PPP3CA: variants seen among roughly 807,000 people sequenced by gnomAD.
The protein encoded by PPP3CA is CAM-PRP catalytic subunit.
In PPP3CA, 14 loss-of-function variants were observed where a neutral mutation model predicts 66.5. The ratio of observed to expected loss-of-function variants is 0.21; its 90% CI spans 0.14 to 0.33. PPP3CA has a LOEUF of 0.33. Among genes scored for constraint, PPP3CA ranks in the 10% least tolerant of loss-of-function variants. PPP3CA has a pLI of 1.00. For synonymous variants in PPP3CA, 232 were observed against 226.2 expected, an observed-to-expected ratio of 1.03 and a Z score of -0.23; for missense variants, 317 against 639.5, an observed-to-expected ratio of 0.50 and a Z score of 5.44.
intron 1 of PPP3CA, among the ~76,000 whole-genome samples, chr4:101,264,304 T>C (rs1483018910): frequency 6.6e-6 from 1 of 152,184 alleles, no homozygotes; most frequent in Non-Finnish European, 1.5e-5. Flanking sequence ...GAGAAGTCAC[T>C]GTAGCTCACA....
intron 8 of PPP3CA, among the ~76,000 whole-genome samples, chr4:101,078,511 G>A (rs999728250): frequency 2.2e-4 from 34 of 151,906 alleles, no homozygotes; most frequent in African/African-American, 7.5e-4. Flanking sequence ...AATGTATTTC[G>A]TGTTTGACTC....
chr4:101,255,941 T>C (rs1205236623), intron 1 of PPP3CA, among the ~76,000 whole-genome samples: 1 of 151,938 alleles, frequency 6.6e-6, no homozygotes. Context: ...CTCCTCCATT[T>C]TTTAAATACG....
At chr4:101,047,781 A>G (rs1308683754) in intron 10 of PPP3CA, among the ~76,000 whole-genome samples, 1 of 152,046 alleles carries the variant, frequency 6.6e-6, no homozygotes, top group Admixed American at 6.6e-5. Flanking sequence ...TTATATTTAG[A>G]GATTTAACTA....
At position 101,068,117 on chromosome 4, in the gene PPP3CA, T is replaced by C. The variant is rs577221816; in HGVS notation, c.956-4760A>G. Among the ~76,000 whole-genome samples, 2 of 152,252 alleles carry C rather than the reference T, an allele frequency of 1.3e-5. 1 individual carries two copies. The highest frequency in any genetic ancestry group is 4.1e-4 in the South Asian group (2 of 4,828). ...CTCACCCTTTTGCTACTGTCTTTCATCTCCTTATCTCTAACTGACCATCCT... is the reference window on the plus strand; with the variant it reads ...CTCACCCTTTTGCTACTGTCTTTCACCTCCTTATCTCTAACTGACCATCCT... On this transcript the variant is annotated intron_variant, in intron 8 of 13. Coordinates refer to ENST00000394854, the MANE Select transcript of PPP3CA (RefSeq NM_000944.5).
intron 1 of PPP3CA, among the ~76,000 whole-genome samples, chr4:101,221,798 A>T (rs1400448095): frequency 6.6e-6 from 1 of 151,550 alleles, no homozygotes; most frequent in Non-Finnish European, 1.5e-5. Flanking sequence ...ATATAACAGC[A>T]TCATTTAGTA....
At chr4:101,291,243 G>GT (rs1206005323) in intron 1 of PPP3CA, among the ~76,000 whole-genome samples, 1 of 152,160 alleles carries the variant, frequency 6.6e-6, no homozygotes, top group African/African-American at 2.4e-5. Flanking sequence ...ACTAATAGGA[G>GT]TAATCTTTGG....
At chr4:101,301,820 T>TA in intron 1 of PPP3CA, among the ~76,000 whole-genome samples, 1 of 146,738 alleles carries the variant, frequency 6.8e-6, no homozygotes, top group African/African-American at 2.5e-5. Flanking sequence ...GCACCATATT[T>TA]TATATATATA....
At chr4:101,113,655 T>C (rs1721749088) in intron 2 of PPP3CA, among the ~76,000 whole-genome samples, 1 of 152,082 alleles carries the variant, frequency 6.6e-6, no homozygotes, top group Non-Finnish European at 1.5e-5. Context: ...TCATTCACCA[T>C]TTTGATATCA....
chr4:101,027,251 T>C (rs1206938401), intron 13 of PPP3CA, among the ~76,000 whole-genome samples: 3 of 143,604 alleles, frequency 2.1e-5, no homozygotes, highest in Non-Finnish European at 4.6e-5. Context: ...CTCCCAACCT[T>C]ATTTGGGGGG....
At chr4:101,154,251 GA>G (rs1488252844) in intron 2 of PPP3CA, among the ~76,000 whole-genome samples, 1 of 152,128 alleles carries the variant, frequency 6.6e-6, no homozygotes. Flanking sequence ...TTACCACCAT[GA>G]AATATTTGCT....
chr4:101,319,170 G>T, intron 1 of PPP3CA, among the ~76,000 whole-genome samples: 1 of 88,992 alleles, frequency 1.1e-5, no homozygotes, highest in African/African-American at 4.2e-5. Context: ...ATACCATATT[G>T]AAAAAAAAAA....
chr4:101,098,836 A>C (rs548079194), intron 4 of PPP3CA, among the ~76,000 whole-genome samples: 8 of 152,170 alleles, frequency 5.3e-5, no homozygotes, highest in Non-Finnish European at 8.8e-5. Context: ...CTGGAAGACC[A>C]ATAGAAAAAC....
At chr4:101,128,541 G>T (rs1367810333) in intron 2 of PPP3CA, among the ~76,000 whole-genome samples, 2 of 151,756 alleles carry the variant, frequency 1.3e-5, no homozygotes, top group Non-Finnish European at 2.9e-5. Context: ...TTCCAACTGA[G>T]GTACCCGGTT....
chr4:101,070,359 T>A (rs1036217002), intron 8 of PPP3CA, among the ~76,000 whole-genome samples: 2 of 151,908 alleles, frequency 1.3e-5, no homozygotes, highest in African/African-American at 4.8e-5. Flanking sequence ...TAAACAGAAA[T>A]CTGAGGGAAA....
intron 2 of PPP3CA, among the ~76,000 whole-genome samples, chr4:101,156,186 T>C (rs548106304): frequency 1.4e-3 from 207 of 152,320 alleles, no homozygotes; most frequent in Admixed American, 2.9e-3. Context: ...ATGACTTGAA[T>C]AGTTCTTTTC....
chr4:101,218,472 A>T (rs1038599343), intron 1 of PPP3CA, among the ~76,000 whole-genome samples: 2 of 151,744 alleles, frequency 1.3e-5, no homozygotes, highest in African/African-American at 4.8e-5. Context: ...CTTACTGTGG[A>T]TTTTTTTTCC....
chr4:101,222,519 A>G (rs1449511262), intron 1 of PPP3CA, among the ~76,000 whole-genome samples: 2 of 151,682 alleles, frequency 1.3e-5, no homozygotes, highest in African/African-American at 4.8e-5. Flanking sequence ...GTTTAAGTGT[A>G]CTAGAGGAAG....
intron 1 of PPP3CA, among the ~76,000 whole-genome samples, chr4:101,324,505 T>TA (rs1366156357): frequency 1.3e-5 from 2 of 152,148 alleles, no homozygotes; most frequent in Admixed American, 1.3e-4. Flanking sequence ...TTCACTAACT[T>TA]AAAGAAAATC....
At chr4:101,044,661 G>A (rs906418616) in intron 10 of PPP3CA, among the ~76,000 whole-genome samples, 6 of 151,966 alleles carry the variant, frequency 3.9e-5, no homozygotes, top group Non-Finnish European at 8.8e-5. Context: ...ACCTTTTTAA[G>A]TTCTGATCTT....
Sources: gnomAD v4.1 joint callset for allele counts (sites outside exome capture counted in the v4.1 genomes callset) on GRCh38, gnomAD v4.1.1 for gene constraint, MANE v1.5 for transcripts, NCBI Gene and HGNC (gene_info 2026-07-23, HGNC 2026-07-21) for gene names.